NRXN1: variants seen among roughly 807,000 people sequenced by gnomAD.
NRXN1 encodes the protein neurexin-1.
A neutral mutation model predicts 150.9 loss-of-function variants in NRXN1; 39 were observed. The observed-to-expected ratio is 0.26, with a 90% CI of 0.20 to 0.34. The LOEUF (loss-of-function observed/expected upper bound fraction) is 0.34. NRXN1 is among the 10% of genes least tolerant of loss of function. The probability of loss-of-function intolerance (pLI) is 1.00; values close to 1 mark genes in which losing one functional copy is unlikely to be tolerated. For missense variants in NRXN1, 1,815 were observed against 1,949.9 expected (o/e 0.93, Z 1.30); for synonymous variants, 924 against 757.0 (o/e 1.22, Z -3.62).
chr2:50,934,903 T>C (rs1341457131), intron 2 of NRXN1, among the ~76,000 whole-genome samples: 3 of 152,164 alleles, frequency 2.0e-5, no homozygotes, highest in Non-Finnish European at 4.4e-5. Flanking sequence ...TGGACAATTA[T>C]TACTCTTTTC....
chr2:50,938,383 G>A (rs1439302609), intron 2 of NRXN1, among the ~76,000 whole-genome samples: 1 of 152,116 alleles, frequency 6.6e-6, no homozygotes, highest in Non-Finnish European at 1.5e-5. Flanking sequence ...TGCCACACCT[G>A]ACTTCATTGT....
chr2:50,154,047 T>A (rs1391212677), intron 18 of NRXN1, among the ~76,000 whole-genome samples: 1 of 151,828 alleles, frequency 6.6e-6, no homozygotes, highest in Non-Finnish European at 1.5e-5. Flanking sequence ...TTAGAAGTTA[T>A]ACACCTTTAA....
chr2:49,942,606 ATTATTATT>A (rs894243671), intron 22 of NRXN1, among the ~76,000 whole-genome samples: 12 of 150,310 alleles, frequency 8.0e-5, no homozygotes, highest in African/African-American at 1.7e-4. Flanking sequence ...TATTATTATT[ATTATTATT>A]TTATTATTAT....
intron 17 of NRXN1, among the ~76,000 whole-genome samples, chr2:50,313,647 C>A (rs2019684): frequency 0.41 from 62,440 of 151,974 alleles, 15,219 homozygotes; most frequent in African/African-American, 0.68. Context: ...ACCGCTACTT[C>A]TCTGAGGTCA....
intron 8 of NRXN1, among the ~76,000 whole-genome samples, chr2:50,593,895 C>A (rs535291932): frequency 6.6e-6 from 1 of 152,004 alleles, no homozygotes; most frequent in African/African-American, 2.4e-5. Context: ...ACCCTTGATA[C>A]CTTAGCCTCT....
intron 5 of NRXN1, among the ~76,000 whole-genome samples, chr2:50,897,013 A>G (rs1438473395): frequency 6.6e-6 from 1 of 152,212 alleles, no homozygotes; most frequent in Non-Finnish European, 1.5e-5. Context: ...AGAAGGAGAC[A>G]ATAAAAGGTC....
chr2:50,416,035 G>GTAGGC (rs1205278211), intron 17 of NRXN1, among the ~76,000 whole-genome samples: 2 of 151,346 alleles, frequency 1.3e-5, no homozygotes, highest in Admixed American at 1.3e-4. Context: ...CTCCTATATG[G>GTAGGC]TAGCCCTATC....
intron 5 of NRXN1, among the ~76,000 whole-genome samples, chr2:50,828,558 G>C (rs1489521449): frequency 2.0e-5 from 3 of 151,402 alleles, no homozygotes; most frequent in Admixed American, 6.6e-5. Flanking sequence ...ACGGGGTCGC[G>C]GCCGGGCAGA....
At chr2:50,463,926 A>C (rs562561650) in intron 17 of NRXN1, 1 of 151,748 alleles carries the variant, frequency 6.6e-6, no homozygotes, top group Admixed American at 6.6e-5. Context: ...CGATAATAAA[A>C]TCTTAACAAG....
At chr2:50,848,429 G>A (rs1674010471) in intron 5 of NRXN1, among the ~76,000 whole-genome samples, 1 of 152,104 alleles carries the variant, frequency 6.6e-6, no homozygotes, top group Admixed American at 6.6e-5. Flanking sequence ...GTTCAGAAAA[G>A]CTAATGACAT....
chr2:50,025,220 G>A (rs953199893), intron 21 of NRXN1, among the ~76,000 whole-genome samples: 11 of 152,238 alleles, frequency 7.2e-5, no homozygotes, highest in South Asian at 2.1e-4. Context: ...CTACACCTGC[G>A]ATGTTCCTTT....
chr2:50,800,298 G>A (rs544929116), intron 5 of NRXN1, among the ~76,000 whole-genome samples: 23 of 152,020 alleles, frequency 1.5e-4, no homozygotes, highest in South Asian at 4.2e-4. Flanking sequence ...CACTCTTCCC[G>A]TCTCAAATCA....
At position 50,063,795 on chromosome 2, in the gene NRXN1, C is replaced by A. The variant is rs1333587687; in HGVS notation, c.3719-8751G>T. On this transcript the variant is annotated intron_variant, in intron 19 of 22. Transcript: ENST00000401669. Reference sequence around the variant, plus strand: ...TTCTAGATTCTAGATTCCTTGTGAGCAGGAACCATGTCTGTCTTGTTCAAT... The same window carrying A: ...TTCTAGATTCTAGATTCCTTGTGAGAAGGAACCATGTCTGTCTTGTTCAAT... 3.3e-5 allele frequency among the ~76,000 whole-genome samples: 5 copies of A among 152,080 alleles called. No individual in the cohort carries two copies. The East Asian group carries it at 9.6e-4, about 29-fold the overall frequency.
chr2:50,531,396 A>G lies in NRXN1; in HGVS notation c.2178T>C (p.Phe726=), dbSNP rs879066777. 1.9e-6 allele frequency: 3 copies of G among 1,612,496 alleles called. No individual in the cohort carries two copies. The highest frequency in any genetic ancestry group is 2.5e-6 in the Non-Finnish European group (3 of 1,179,278). The change falls in exon 11 of 23, where the codon TTT becomes TTC. Residue 726 remains phenylalanine, a synonymous_variant. Transcript: ENST00000401669. ...TGACTACGGGGAGCTGAATTTTCATAAACATGCTCCCATCATAGCTCAAAA... is the reference window on the plus strand; with the variant it reads ...TGACTACGGGGAGCTGAATTTTCATGAACATGCTCCCATCATAGCTCAAAA... ...ATVLSYDGSM[F]MKIQLPVVMH...
At chr2:50,587,343 G>C (rs561095925) in intron 8 of NRXN1, among the ~76,000 whole-genome samples, 48 of 152,418 alleles carry the variant, frequency 3.1e-4, no homozygotes, top group African/African-American at 1.1e-3. Flanking sequence ...AAATTAGCCA[G>C]GCATGGTGGT....
At chr2:50,353,959 G>C (rs1274770521) in intron 17 of NRXN1, among the ~76,000 whole-genome samples, 4 of 152,114 alleles carry the variant, frequency 2.6e-5, no homozygotes, top group Non-Finnish European at 5.9e-5. Context: ...CAAGCTCCCA[G>C]GTGATGCTGA....
chr2:50,547,371 A>C (rs1167438477), intron 9 of NRXN1: 2 of 152,208 alleles, frequency 1.3e-5, no homozygotes, highest in South Asian at 4.1e-4. Flanking sequence ...ACTTTGACTG[A>C]GCCAGAGTTT....
chr2:50,096,946 G>C (rs1258810943), intron 18 of NRXN1, among the ~76,000 whole-genome samples: 1 of 152,100 alleles, frequency 6.6e-6, no homozygotes, highest in East Asian at 1.9e-4. Flanking sequence ...TCAATATCTT[G>C]GGTATACTTC....
At chr2:50,502,935 A>G (rs1190109538) in intron 13 of NRXN1, among the ~76,000 whole-genome samples, 2 of 152,136 alleles carry the variant, frequency 1.3e-5, no homozygotes, top group African/African-American at 4.8e-5. Flanking sequence ...ATTCCTCACT[A>G]AATGGAAATT....
Sources: allele counts gnomAD v4.1 joint callset (sites outside exome capture counted in the v4.1 genomes callset), GRCh38; gene constraint gnomAD v4.1.1; transcripts MANE v1.5; gene names NCBI Gene and HGNC (gene_info 2026-07-23, HGNC 2026-07-21).